NBAS: variants seen among roughly 807,000 people sequenced by gnomAD.
NBAS encodes NAG/BC035112 fusion.
In NBAS, 219 loss-of-function variants were observed where a neutral mutation model predicts 302.5. The observed-to-expected ratio is 0.72, with a 90% CI of 0.65 to 0.81. The LOEUF is 0.81. NBAS is among the 30% of genes least tolerant of loss of function. The pLI is 0.00. For missense variants in NBAS, 2,932 were observed against 2,841.6 expected (o/e 1.03, Z -0.72); for synonymous variants, 1,118 against 1,021.6 (o/e 1.09, Z -1.80).
At chr2:15,287,839 G>A (rs954125869) in intron 41 of NBAS, among the ~76,000 whole-genome samples, 1 of 142,320 alleles carries the variant, frequency 7.0e-6, no homozygotes, top group African/African-American at 2.6e-5. Flanking sequence ...TGAGCACCCC[G>A]TGTAGGCATC....
the NBAS span, among the ~76,000 whole-genome samples, chr2:15,026,520 T>C: frequency 6.7e-6 from 1 of 148,740 alleles, no homozygotes; most frequent in Non-Finnish European, 1.5e-5. Flanking sequence ...GAGATAATCA[T>C]GTGGTTTTTG....
Position 15,190,370 on chromosome 2 carries a change from G to T in NBAS, c.6466C>A (p.Arg2156Ser). The T allele has an allele frequency of 1.2e-6, 2 of 1,613,830 alleles. No homozygotes were observed. The highest frequency in any genetic ancestry group is 2.2e-5 in the East Asian group (1 of 44,862). Reference sequence around the variant, plus strand: ...AGGAGTTCCATGAATAGACAGTAGCGGTTCTCTTCATTCTCAATGTCAGCT... The same window carrying T: ...AGGAGTTCCATGAATAGACAGTAGCTGTTCTCTTCATTCTCAATGTCAGCT... ...DIADIENEEN[R>S]YCLFMELLES... Residue 2156 changes from arginine to serine, a missense_variant, in exon 49 of 52, where the codon CGC (arginine) becomes AGC (serine). Transcript: ENST00000281513.
chr2:15,247,948 C>T (rs959305016), intron 44 of NBAS, among the ~76,000 whole-genome samples: 13 of 151,992 alleles, frequency 8.6e-5, no homozygotes, highest in Admixed American at 6.6e-4. Flanking sequence ...CTGGACCAAG[C>T]GGACCTAATA....
intron 44 of NBAS, among the ~76,000 whole-genome samples, chr2:15,271,887 G>C (rs370050505): frequency 1.9e-4 from 29 of 152,102 alleles, no homozygotes; most frequent in African/African-American, 6.7e-4. Flanking sequence ...AGCAATAGAG[G>C]AGCAACTCTA....
At chr2:15,305,310 C>T (rs1445344528) in intron 40 of NBAS, among the ~76,000 whole-genome samples, 2 of 151,980 alleles carry the variant, frequency 1.3e-5, no homozygotes, top group African/African-American at 4.8e-5. Context: ...TCTTTCCTGC[C>T]ATTTTGTGAA....
chr2:14,890,074 C>T, the NBAS span, among the ~76,000 whole-genome samples: 1 of 152,140 alleles, frequency 6.6e-6, no homozygotes, highest in Non-Finnish European at 1.5e-5. Flanking sequence ...TGTGCAAATT[C>T]CTAATATATT....
chr2:15,229,358 A>C lies in NBAS; in HGVS notation c.6236+3064T>G, dbSNP rs1272687573. Among the ~76,000 whole-genome samples, 148 of 145,980 alleles carry C rather than the reference A, an allele frequency of 1.0e-3. 1 individual carries two copies. The highest frequency in any genetic ancestry group is 4.4e-3 in the Admixed American group (66 of 14,890). On this transcript the variant is annotated intron_variant, in intron 47 of 51. Coordinates refer to ENST00000281513, the MANE Select transcript of NBAS (RefSeq NM_015909.4). ...TCTGTCTCAAAAAACAAAAAAAAAA[A>C]AAAAAAAAAAAAAAAAGAACATTAC...
chr2:15,069,560 A>G, the NBAS span, among the ~76,000 whole-genome samples: 1 of 32,438 alleles, frequency 3.1e-5, no homozygotes, highest in Admixed American at 5.7e-4. Context: ...GGGGCTCAAA[A>G]AAAAAAAAAT....
chr2:14,785,795 G>A, the NBAS span, among the ~76,000 whole-genome samples: 14 of 152,064 alleles, frequency 9.2e-5, no homozygotes, highest in Non-Finnish European at 1.9e-4. Flanking sequence ...TTTTGGTTGT[G>A]TCTCTGCCCA....
At chr2:15,238,270 A>C (rs1465877237) in intron 45 of NBAS, among the ~76,000 whole-genome samples, 198 bp downstream of exon 45, 1 of 152,168 alleles carries the variant, frequency 6.6e-6, no homozygotes, top group Non-Finnish European at 1.5e-5. Context: ...CAAGTGGCTT[A>C]ACATCATTTT....
At chr2:14,987,995 A>G in the NBAS span, among the ~76,000 whole-genome samples, 1 of 152,074 alleles carries the variant, frequency 6.6e-6, no homozygotes, top group African/African-American at 2.4e-5. Context: ...TGTTCCCATT[A>G]GAATGTGACA....
At chr2:15,340,918 T>C (rs1035071031) in intron 35 of NBAS, among the ~76,000 whole-genome samples, 1 of 152,086 alleles carries the variant, frequency 6.6e-6, no homozygotes, top group Non-Finnish European at 1.5e-5. Context: ...CAAGCTGTTC[T>C]GGTAAAATGG....
chr2:15,387,032 T>C (rs900642567), intron 28 of NBAS, among the ~76,000 whole-genome samples: 8 of 152,086 alleles, frequency 5.3e-5, no homozygotes, highest in Non-Finnish European at 8.8e-5. Context: ...AAATATTCAT[T>C]AAATAATGTA....
At chr2:15,554,007 T>C in intron 4 of NBAS, 54 bp downstream of exon 4, 1 of 1,473,166 alleles carries the variant, frequency 6.8e-7, no homozygotes, top group East Asian at 2.3e-5. Context: ...ACGTCCATAA[T>C]GAAATGTAAA....
chr2:15,315,127 A>G (rs1344965395), intron 38 of NBAS, among the ~76,000 whole-genome samples: 1 of 152,216 alleles, frequency 6.6e-6, no homozygotes, highest in Admixed American at 6.5e-5. Flanking sequence ...CAATCATACA[A>G]CTAAGATTTT....
At chr2:15,162,151 A>G (rs1572379213), downstream of NBAS, among the ~76,000 whole-genome samples, 2 of 150,710 alleles carry the variant, frequency 1.3e-5, no homozygotes, top group African/African-American at 5.0e-5. Flanking sequence ...TCAAACCCAG[A>G]CCCCTGACTC....
chr2:15,546,343 T>C (rs1322970480), intron 6 of NBAS, among the ~76,000 whole-genome samples: 1 of 152,350 alleles, frequency 6.6e-6, no homozygotes, highest in East Asian at 1.9e-4. Flanking sequence ...AAAAAATTAC[T>C]TCATCTAAAC....
the NBAS span, among the ~76,000 whole-genome samples, chr2:14,975,559 C>T: frequency 6.6e-6 from 1 of 152,188 alleles, no homozygotes; most frequent in Non-Finnish European, 1.5e-5. Flanking sequence ...GCTTCTGCCA[C>T]CCTGTTCACC....
At chr2:14,780,677 G>C in the NBAS span, among the ~76,000 whole-genome samples, 1 of 152,204 alleles carries the variant, frequency 6.6e-6, no homozygotes, top group South Asian at 2.1e-4. Context: ...GTCTCCCAGA[G>C]ATCTTCGAAG....
Sources: gnomAD v4.1 joint callset for allele counts (sites outside exome capture counted in the v4.1 genomes callset) on GRCh38, gnomAD v4.1.1 for gene constraint, MANE v1.5 for transcripts, NCBI Gene and HGNC (gene_info 2026-07-23, HGNC 2026-07-21) for gene names.